The following CCDC137 variants were observed in gnomAD, a reference collection of about 807,000 sequenced individuals.
CCDC137 encodes the protein coiled-coil domain containing 137, also known as coiled-coil domain-containing protein 137.
A neutral mutation model predicts 30.4 loss-of-function variants in CCDC137; 24 were observed. The ratio of observed to expected loss-of-function variants is 0.79; its 90% CI spans 0.57 to 1.11. The LOEUF is 1.11. CCDC137 is among the 50% of genes least tolerant of loss of function. CCDC137 has a pLI of 0.00. For synonymous variants in CCDC137, 182 were observed against 155.7 expected, an observed-to-expected ratio of 1.17 and a Z score of -1.26; for missense variants, 417 against 380.4, an observed-to-expected ratio of 1.10 and a Z score of -0.80.
chr17:81,666,757 C>T lies in CCDC137; in HGVS notation c.-10C>T, dbSNP rs1249824308. ...GAAGTGGCTTCGCTAGGGAGCCTCCCGGCGTGGAGATGGCGGGAGCTGGTC... is the reference window on the plus strand; with the variant it reads ...GAAGTGGCTTCGCTAGGGAGCCTCCTGGCGTGGAGATGGCGGGAGCTGGTC... On this transcript the variant is annotated 5_prime_UTR_variant, in exon 1 of 6. Transcript: ENST00000329214. The T allele has an allele frequency of 6.9e-7, 1 of 1,457,292 alleles. No homozygotes were observed. The highest frequency in any genetic ancestry group is 1.5e-5 in the African/African-American group (1 of 67,916). The allele number at this position is 1,457,292 out of a possible 1,614,324, so 90.3% of individuals were successfully genotyped here. A position where few individuals can be genotyped will look rare whatever the true frequency, so the allele number is the denominator to read the frequency against.
intron 2 of CCDC137, 31 bp downstream of exon 2, chr17:81,667,893 A>G (rs2036664031): frequency 3.7e-6 from 6 of 1,604,684 alleles, no homozygotes; most frequent in Non-Finnish European, 5.1e-6. Flanking sequence ...GGCGGCAGTG[A>G]AGCTTTGTGT....
chr17:81,668,473 A>G (rs976158369), intron 2 of CCDC137, among the ~76,000 whole-genome samples: 1 of 152,166 alleles, frequency 6.6e-6, no homozygotes. Flanking sequence ...CACTGTGTGT[A>G]TATTTTGCTT....
rs755573812 is a variant in CCDC137, at chr17:81,666,802, G to A, written c.36G>A (p.Arg12=). Residue 12 remains arginine (R), a synonymous_variant, in exon 1 of 6, where the codon AGG becomes AGA. Transcript: ENST00000329214. ...AGAGRGAAVS[R]VQAGPGSPRR... ...CTGGTCGCGGAGCAGCGGTGTCCAGGGTGCAGGCGGGTCCTGGGAGTCCCC... is the reference window on the plus strand; with the variant it reads ...CTGGTCGCGGAGCAGCGGTGTCCAGAGTGCAGGCGGGTCCTGGGAGTCCCC... 2 of 1,433,224 alleles carry A rather than the reference G, an allele frequency of 1.4e-6. No homozygotes were observed. The highest frequency in any genetic ancestry group is 3.0e-5 in the South Asian group (2 of 67,256). The allele number at this position is 1,433,224 out of a possible 1,614,324, so 88.8% of individuals were successfully genotyped here.
In CCDC137 at chr17:81,672,119, G is replaced by A; in HGVS notation, c.624G>A (p.Leu208=). The change falls in exon 5 of 6, where the codon CTG becomes CTA. Residue 208 remains leucine, a synonymous_variant. Transcript: ENST00000329214. ...AGGTTGTCCTGCAGCCCCCAGAGCT[G>A]ACTGCCAGGCCCCAGAGGAGCGTAA... ...FGEVVLQPPE[L]TARPQRSVSK... The A allele has an allele frequency of 6.2e-7, 1 of 1,614,124 alleles. No individual in the cohort carries two copies. The highest frequency in any genetic ancestry group is 2.2e-5 in the East Asian group (1 of 44,882).
Position 81,672,483 on chromosome 17 carries a change from T to C in CCDC137, c.661-12T>C. On this transcript the variant is annotated splice_polypyrimidine_tract_variant and intron_variant, in intron 5 of 5. Transcript: ENST00000329214. ...TCCCAGCCTGTGCCTCACCCTCCCC[T>C]CTCTCCCTCAGCCTGGCAGGAGATC... The C allele has an allele frequency of 6.6e-7, 1 of 1,517,518 alleles. No homozygotes were observed. Among genetic ancestry groups the C allele is most frequent in the African/African-American group, 1.4e-5 (1 of 73,032 alleles). 94.0% of individuals were successfully genotyped at this position (1,517,518 alleles called of 1,614,324 possible).
Position 81,670,352 on chromosome 17 carries a change from G to A in CCDC137, c.396G>A (p.Glu132=), listed in dbSNP as rs368217248. Residue 132 remains glutamate, a synonymous_variant, in exon 3 of 6, where the codon GAG becomes GAA. Transcript: ENST00000329214. Reference sequence around the variant, plus strand: ...CCTATATCCACCGCATGCAGCAAGAGGCCCAGCATGTGCTGTTCCTCAGCA... The same window carrying A: ...CCTATATCCACCGCATGCAGCAAGAAGCCCAGCATGTGCTGTTCCTCAGCA... The part of the protein sequence containing the change: ...DGAYIHRMQQ[E]AQHVLFLSKN... 2 of 1,613,860 alleles carry A rather than the reference G, an allele frequency of 1.2e-6. No homozygotes were observed. The highest frequency in any genetic ancestry group is 1.7e-6 in the Non-Finnish European group (2 of 1,179,944).
intron 2 of CCDC137, 169 bp from the exon 3 acceptor site, chr17:81,670,056 C>T (rs1484646560): frequency 1.6e-6 from 1 of 609,234 alleles, no homozygotes; most frequent in Non-Finnish European, 2.9e-6. Context: ...GGTCACGTCC[C>T]CGGGGATGCC....
intron 3 of CCDC137, among the ~76,000 whole-genome samples, chr17:81,671,002 C>A (rs1030507969): frequency 5.3e-5 from 8 of 152,018 alleles, no homozygotes; most frequent in Admixed American, 5.2e-4. Flanking sequence ...CGTGGTGGTG[C>A]ATGCCTGTAA....
Position 81,671,775 on chromosome 17 carries a change from C to T in CCDC137, c.529C>T (p.Arg177Trp), listed in dbSNP as rs11150805. The change falls in exon 4 of 6, where the codon CGG (arginine) becomes TGG (tryptophan). Residue 177 changes from arginine to tryptophan, a missense_variant. Transcript: ENST00000329214. The stretch of plus-strand genomic sequence containing the variant: ...GAAGCGGCGACTAGATAAAGTCCGA[C>T]GGAAAAAGGAGGAAAAGGCGGCAGA... ...FQKRRLDKVR[R>W]KKEEKAADRL... 245,019 of 1,611,362 alleles carry T rather than the reference C, an allele frequency of 0.15. 19,799 individuals are homozygous for T. Among genetic ancestry groups the T allele is most frequent in the African/African-American group, 0.19 (13,910 of 74,052 alleles).
intron 3 of CCDC137, chr17:81,671,462 T>A (rs1002734059): frequency 9.3e-6 from 4 of 431,522 alleles, no homozygotes; most frequent in Non-Finnish European, 1.7e-5. Flanking sequence ...CAGTAGCCCT[T>A]GCCCACGTGT....
Position 81,670,324 on chromosome 17 carries a change from G to A in CCDC137, c.368G>A (p.Gly123Glu). Residue 123 changes from glycine (G) to glutamate (E), a missense_variant, in exon 3 of 6, where the codon GGG (glycine) becomes GAG (glutamate). Transcript: ENST00000329214. ...KFKQRKGESD[G>E]AYIHRMQQEA... is the part of the protein sequence containing the mutation. ...AAACAGAGGAAGGGGGAGTCTGACG[G>A]GGCCTATATCCACCGCATGCAGCAA... The A allele has an allele frequency of 6.2e-7, 1 of 1,614,036 alleles. No individual in the cohort carries two copies. Among genetic ancestry groups the A allele is most frequent in the African/African-American group, 1.3e-5 (1 of 75,066 alleles).
In CCDC137 at chr17:81,666,836, C is replaced by T; in HGVS notation, c.70C>T (p.Arg24Trp). Residue 24 changes from arginine (R) to tryptophan (W), a missense_variant, in exon 1 of 6, where the codon CGG (arginine) becomes TGG (tryptophan). Physicochemically the swap from Arg to Trp is moderately radical, Grantham distance 101. Transcript: ENST00000329214. ...GGGTCCTGGGAGTCCCCGGCGAGCGCGGGGGCGGCAGCAAGTGCAGCCGCT... is the reference window on the plus strand; with the variant it reads ...GGGTCCTGGGAGTCCCCGGCGAGCGTGGGGGCGGCAGCAAGTGCAGCCGCT... ...QAGPGSPRRARGRQQVQPLGK... is the reference protein window; with the variant it reads ...QAGPGSPRRAWGRQQVQPLGK... 1 of 1,344,316 alleles carries T rather than the reference C, an allele frequency of 7.4e-7. No homozygotes were observed. The highest frequency in any genetic ancestry group is 9.6e-7 in the Non-Finnish European group (1 of 1,045,668). The allele number at this position is 1,344,316 out of a possible 1,614,324, so 83.3% of individuals were successfully genotyped here. A position where few individuals can be genotyped will look rare whatever the true frequency, so the allele number is the denominator to read the frequency against.
chr17:81,670,885 T>G (rs865886078), intron 3 of CCDC137, among the ~76,000 whole-genome samples: 10 of 152,206 alleles, frequency 6.6e-5, no homozygotes, highest in Middle Eastern at 3.4e-3. Flanking sequence ...TCCCAGCACT[T>G]TGGGAGGCTG....
At position 81,667,778 on chromosome 17, in the gene CCDC137, G is replaced by A; in HGVS notation, c.184G>A (p.Glu62Lys). 2.5e-6 allele frequency: 4 copies of A among 1,613,550 alleles called. No individual in the cohort carries two copies. Among genetic ancestry groups the A allele is most frequent in the Non-Finnish European group, 2.5e-6 (3 of 1,180,010 alleles). ...CAAGCCCAAGAACCAGGACGAACAGGAGATTCCTTTCCGGCTCCGGGAGAT... is the reference window on the plus strand; with the variant it reads ...CAAGCCCAAGAACCAGGACGAACAGAAGATTCCTTTCCGGCTCCGGGAGAT... ...NCKPKNQDEQ[E>K]IPFRLREIMR... The change falls in exon 2 of 6, where the codon GAG (glutamate) becomes AAG (lysine). Residue 62 changes from glutamate to lysine, a missense_variant. By Grantham distance (56) the Glu-to-Lys change is moderately conservative. Coordinates refer to ENST00000329214, the MANE Select transcript of CCDC137 (RefSeq NM_199287.3).
In CCDC137 at chr17:81,666,833, G is replaced by A; in HGVS notation, c.67G>A (p.Ala23Thr). ...GGCGGGTCCTGGGAGTCCCCGGCGA[G>A]CGCGGGGGCGGCAGCAAGTGCAGCC... Reference protein sequence around the residue: ...VQAGPGSPRRARGRQQVQPLG... With the variant: ...VQAGPGSPRRTRGRQQVQPLG... The change falls in exon 1 of 6, where the codon GCG becomes ACG. Residue 23 changes from alanine (A) to threonine (T), a missense_variant. Physicochemically the swap from Ala to Thr is moderately conservative, Grantham distance 58. Transcript: ENST00000329214. 1 of 1,347,632 alleles carries A rather than the reference G, an allele frequency of 7.4e-7. No individual in the cohort carries two copies. The highest frequency in any genetic ancestry group is 3.5e-5 in the Admixed American group (1 of 28,686). The allele number at this position is 1,347,632 out of a possible 1,614,324, so 83.5% of individuals were successfully genotyped here.
rs1421599565 is a variant in CCDC137 at position 81,668,967 on chromosome 17, TC to T, written c.268+1109del. Among the ~76,000 whole-genome samples the T allele has an allele frequency of 2.0e-5, 3 of 149,476 alleles. No individual in the cohort carries two copies. In the East Asian group the frequency reaches 6.1e-4, roughly 31 times the overall value. On this transcript the variant is annotated intron_variant, in intron 2 of 5. Transcript: ENST00000329214. ...ATCTCAGCTCACTGCTACCTCTGCC[TC>T]CCCTGTCCCAGTTCCAGTGCAAGCA...
chr17:81,673,075 G>A lies in CCDC137; in HGVS notation c.*371G>A. On this transcript the variant is annotated 3_prime_UTR_variant, in exon 6 of 6. Transcript: ENST00000329214. Reference sequence around the variant, plus strand: ...GTGTGACGGAGGCCCCCGGGAGTCAGCAGAGCCGAGCGTACAGTGCACATC... The same window carrying A: ...GTGTGACGGAGGCCCCCGGGAGTCAACAGAGCCGAGCGTACAGTGCACATC... The A allele has an allele frequency of 3.3e-6, 1 of 300,038 alleles. No individual in the cohort carries two copies. Among genetic ancestry groups the A allele is most frequent in the Non-Finnish European group, 6.4e-6 (1 of 157,094 alleles). 18.6% of individuals were successfully genotyped at this position (300,038 alleles called of 1,614,324 possible). A position where few individuals can be genotyped will look rare whatever the true frequency, so the allele number is the denominator to read the frequency against.
rs1283269325 is a variant in CCDC137, at chr17:81,672,085, A to G, written c.590A>G (p.Lys197Arg). Residue 197 changes from lysine to arginine, a missense_variant, in exon 5 of 6, where the codon AAG becomes AGG. Lys to Arg is a conservative substitution (Grantham distance 26). Transcript: ENST00000329214. ...TATTCTGCTCCTCCAGACACGGTGA[A>G]GTTTGGTGAGGTTGTCCTGCAGCCC... ...LEQELLRDTV[K>R]FGEVVLQPPE... 3 of 1,613,864 alleles carry G rather than the reference A, an allele frequency of 1.9e-6. No individual in the cohort carries two copies. Among genetic ancestry groups the G allele is most frequent in the African/African-American group, 1.3e-5 (1 of 74,852 alleles).
intron 1 of CCDC137, 29 bp from the exon 2 acceptor site, chr17:81,667,700 G>A (rs1338817838): frequency 6.2e-7 from 1 of 1,611,612 alleles, no homozygotes; most frequent in East Asian, 2.2e-5. Context: ...TACTTGGGAC[G>A]GGTCTCACCC....
Sources: allele counts gnomAD v4.1 joint callset (sites outside exome capture counted in the v4.1 genomes callset), GRCh38; gene constraint gnomAD v4.1.1; transcripts MANE v1.5; gene names NCBI Gene and HGNC (gene_info 2026-07-23, HGNC 2026-07-21).